Variants in CSMD1 observed in about 807,000 individuals in gnomAD.
CSMD1 encodes CUB and sushi domain-containing protein 1.
Under a neutral mutation model 417.5 loss-of-function variants are expected in CSMD1, and 213 were observed. That is an observed-to-expected ratio of 0.51 (90% CI 0.46 to 0.57). CSMD1 has a LOEUF of 0.57. Ranked by LOEUF, CSMD1 falls within the 20% of genes least tolerant of loss-of-function variation. The pLI is 0.00. For missense variants in CSMD1, 6,923 were observed against 4,529.7 expected, an observed-to-expected ratio of 1.53 and a Z score of -15.17; for synonymous variants, 2,862 against 1,736.8, an observed-to-expected ratio of 1.65 and a Z score of -16.11.
At chr8:3,496,155 G>T (rs866011360) in intron 10 of CSMD1, among the ~76,000 whole-genome samples, 14 of 152,244 alleles carry the variant, frequency 9.2e-5, no homozygotes, top group South Asian at 4.1e-4. Flanking sequence ...GAGAACATGC[G>T]GTGTTTGGTT....
chr8:4,129,766 T>A (rs1162342847), intron 3 of CSMD1, among the ~76,000 whole-genome samples: 1 of 152,134 alleles, frequency 6.6e-6, no homozygotes, highest in Non-Finnish European at 1.5e-5. Flanking sequence ...CCTGGAAAAT[T>A]TCTTCAACAA....
intron 1 of CSMD1, among the ~76,000 whole-genome samples, chr8:4,744,027 G>A (rs540192523): frequency 1.1e-4 from 17 of 152,208 alleles, no homozygotes; most frequent in Non-Finnish European, 1.6e-4. Flanking sequence ...TCCACGCCAG[G>A]CTGGCACACG....
intron 3 of CSMD1, among the ~76,000 whole-genome samples, chr8:4,311,550 C>G (rs1163416293): frequency 6.6e-6 from 1 of 151,874 alleles, no homozygotes; most frequent in East Asian, 1.9e-4. Context: ...CGGTGAAACC[C>G]TGTCTCTACT....
At chr8:3,746,690 T>C (rs4342633) in intron 6 of CSMD1, among the ~76,000 whole-genome samples, 14,728 of 152,244 alleles carry the variant, frequency 0.097, 740 homozygotes, top group African/African-American at 0.11. Flanking sequence ...ATCCCCAATA[T>C]CTACTCAAAA....
rs372058205 is a variant in CSMD1, at chr8:2,978,746, T to C, written c.8432A>G (p.Gln2811Arg). ...ATACTCAAAACTCTCAGGGAAGTTC[T>C]GTTGCCCGTGACGAATGGCATTTTC... is the stretch of plus-strand genomic sequence containing the variant. ...FVENAIRHGQQNFPESFEYGM... is the reference protein window; with the variant it reads ...FVENAIRHGQRNFPESFEYGM... The change falls in exon 55 of 70, where the codon CAG (glutamine) becomes CGG (arginine). Residue 2811 changes from glutamine to arginine, a missense_variant. Gln to Arg is a conservative substitution (Grantham distance 43). Coordinates refer to ENST00000635120, the MANE Select transcript of CSMD1 (RefSeq NM_033225.6). 23 of 1,613,648 alleles carry C rather than the reference T, an allele frequency of 1.4e-5. No homozygotes were observed. Among genetic ancestry groups the C allele is most frequent in the South Asian group, 2.2e-5 (2 of 90,940 alleles).
chr8:3,621,212 G>C (rs1026465082), intron 7 of CSMD1, among the ~76,000 whole-genome samples: 2 of 152,166 alleles, frequency 1.3e-5, no homozygotes, highest in African/African-American at 2.4e-5. Context: ...TCGGCGAGTA[G>C]CGTAGCACTT....
intron 3 of CSMD1, 86 bp from the exon 4 acceptor site, chr8:4,032,185 G>A (rs185212158): frequency 1.9e-4 from 180 of 928,630 alleles, no homozygotes; most frequent in Admixed American, 6.3e-4. Flanking sequence ...CACCATTTTT[G>A]AATTATTAAA....
chr8:4,240,812 T>C (rs1272715353), intron 3 of CSMD1, among the ~76,000 whole-genome samples: 1 of 152,242 alleles, frequency 6.6e-6, no homozygotes, highest in Non-Finnish European at 1.5e-5. Flanking sequence ...ACTATCTATT[T>C]TTTTATTTGG....
intron 5 of CSMD1, among the ~76,000 whole-genome samples, chr8:3,925,912 C>G (rs1419070722): frequency 1.3e-5 from 2 of 151,800 alleles, no homozygotes; most frequent in Admixed American, 6.6e-5. Flanking sequence ...ATCTGCATAA[C>G]AAAATGTAGA....
At chr8:4,429,256 C>G (rs1257594352) in intron 2 of CSMD1, among the ~76,000 whole-genome samples, 3 of 151,984 alleles carry the variant, frequency 2.0e-5, no homozygotes, top group East Asian at 1.9e-4. Flanking sequence ...GAGATTTCAA[C>G]AGTCCTATCA....
At chr8:3,574,862 A>T in intron 10 of CSMD1, 83 bp downstream of exon 10, 1 of 1,467,150 alleles carries the variant, frequency 6.8e-7, no homozygotes, top group East Asian at 2.3e-5. Flanking sequence ...CACGGATAGC[A>T]TTTGCTGGGC....
intron 5 of CSMD1, among the ~76,000 whole-genome samples, chr8:3,858,691 G>A (rs551872295): frequency 4.7e-5 from 7 of 149,990 alleles, no homozygotes; most frequent in Admixed American, 1.3e-4. Context: ...TTTTCTGTTC[G>A]TAATACCCCA....
chr8:3,986,372 C>G (rs890574347), intron 5 of CSMD1, among the ~76,000 whole-genome samples: 10 of 152,116 alleles, frequency 6.6e-5, no homozygotes, highest in South Asian at 2.1e-4. Flanking sequence ...ACACCCCCAG[C>G]CAACCTTCCT....
intron 5 of CSMD1, among the ~76,000 whole-genome samples, chr8:3,934,004 G>C (rs968201680): frequency 6.6e-6 from 1 of 152,058 alleles, no homozygotes; most frequent in Non-Finnish European, 1.5e-5. Context: ...GCAAATATTC[G>C]CCTAAGGCCT....
chr8:4,242,400 C>T (rs1054738053), intron 3 of CSMD1, among the ~76,000 whole-genome samples: 1 of 152,102 alleles, frequency 6.6e-6, no homozygotes, highest in Non-Finnish European at 1.5e-5. Context: ...TTCCCCCACC[C>T]AGCAAATGAG....
chr8:4,230,902 A>G (rs1376327142), intron 3 of CSMD1, among the ~76,000 whole-genome samples: 1 of 152,118 alleles, frequency 6.6e-6, no homozygotes, highest in African/African-American at 2.4e-5. Context: ...CAAATTCAAT[A>G]TTATATGCTG....
chr8:4,264,798 T>G (rs1256923869), intron 3 of CSMD1, among the ~76,000 whole-genome samples: 1 of 152,154 alleles, frequency 6.6e-6, no homozygotes, highest in African/African-American at 2.4e-5. Context: ...TTGGACAAGT[T>G]AATTCTTCTT....
intron 63 of CSMD1, 55 bp from the exon 64 acceptor site, chr8:2,955,823 T>C: frequency 2.6e-6 from 4 of 1,515,492 alleles, no homozygotes; most frequent in Non-Finnish European, 3.6e-6. Context: ...TTAGCACATG[T>C]GTCTAGAGAA....
chr8:4,234,184 T>A (rs1187455483), intron 3 of CSMD1, among the ~76,000 whole-genome samples: 3 of 152,158 alleles, frequency 2.0e-5, no homozygotes, highest in Admixed American at 2.0e-4. Context: ...ACTCTTGACT[T>A]AGACCAAGAA....
Sources: allele counts gnomAD v4.1 joint callset (sites outside exome capture counted in the v4.1 genomes callset), GRCh38; gene constraint gnomAD v4.1.1; transcripts MANE v1.5; gene names NCBI Gene and HGNC (gene_info 2026-07-23, HGNC 2026-07-21).